The following MRAP2 variants were observed in gnomAD, a reference collection of about 807,000 sequenced individuals.
MRAP2 encodes melanocortin 2 receptor accessory protein 2, also known as melanocortin-2 receptor accessory protein 2.
MRAP2 carries 20 observed loss-of-function variants against 17.4 expected under a neutral mutation model. The ratio of observed to expected loss-of-function variants is 1.15; its 90% CI spans 0.81 to 1.67. MRAP2 has a LOEUF of 1.67. Ranked by LOEUF, MRAP2 falls within the 40% of genes most tolerant of loss-of-function variation. The probability of loss-of-function intolerance (pLI) is 0.00; values close to 1 mark genes in which losing one functional copy is unlikely to be tolerated. For missense variants in MRAP2, 238 were observed against 240.0 expected (o/e 0.99, Z 0.05); for synonymous variants, 96 against 88.4 (o/e 1.09, Z -0.48).
chr6:84,074,139 A>C (rs766052719), intron 3 of MRAP2, among the ~76,000 whole-genome samples: 2 of 152,110 alleles, frequency 1.3e-5, no homozygotes, highest in Non-Finnish European at 2.9e-5. Flanking sequence ...AAAGGAACCC[A>C]TTCCCCATGG....
chr6:84,091,793 C>A (rs1468300550), downstream of MRAP2, among the ~76,000 whole-genome samples: 1 of 152,176 alleles, frequency 6.6e-6, no homozygotes, highest in Non-Finnish European at 1.5e-5. Flanking sequence ...CTCATGGATG[C>A]TGCCAGAAGA....
chr6:84,064,514 G>A (rs1459727762), intron 3 of MRAP2, among the ~76,000 whole-genome samples: 6 of 152,104 alleles, frequency 3.9e-5, no homozygotes, highest in African/African-American at 1.4e-4. Context: ...TTGAGACGGA[G>A]TCTTGCTCTG....
At chr6:84,108,879 A>G in the MRAP2 span, among the ~76,000 whole-genome samples, 5 of 152,090 alleles carry the variant, frequency 3.3e-5, no homozygotes, top group East Asian at 3.9e-4. Context: ...TTCAGTTTCA[A>G]TTTTGTGCAT....
intron 1 of MRAP2, among the ~76,000 whole-genome samples, chr6:84,042,707 C>A (rs2099487928): frequency 6.6e-6 from 1 of 152,166 alleles, no homozygotes; most frequent in South Asian, 2.1e-4. Flanking sequence ...CCTTGCACCC[C>A]AAACTCTGGT....
At chr6:84,062,004 A>T (rs1323788148) in intron 2 of MRAP2, 1 of 985,250 alleles carries the variant, frequency 1.0e-6, no homozygotes. Flanking sequence ...GAGAGCACTC[A>T]AGAGGCCATC....
At chr6:84,102,920 G>A in the MRAP2 span, among the ~76,000 whole-genome samples, 1 of 152,192 alleles carries the variant, frequency 6.6e-6, no homozygotes, top group Non-Finnish European at 1.5e-5. Context: ...TTGGAGTAGA[G>A]GAATCAGTTA....
At chr6:84,037,223 G>A (rs950476175) in intron 1 of MRAP2, among the ~76,000 whole-genome samples, 18 of 151,870 alleles carry the variant, frequency 1.2e-4, no homozygotes, top group African/African-American at 4.4e-4. Context: ...GCTGACTGGT[G>A]TGTTTACAAT....
the MRAP2 span, among the ~76,000 whole-genome samples, chr6:84,134,472 G>A: frequency 1.2e-4 from 18 of 152,342 alleles, no homozygotes; most frequent in East Asian, 3.5e-3. Flanking sequence ...GGGCCCTGGT[G>A]GCGTAGGCAC....
chr6:84,145,620 A>G, the MRAP2 span, among the ~76,000 whole-genome samples: 2 of 152,056 alleles, frequency 1.3e-5, no homozygotes, highest in Admixed American at 1.3e-4. Context: ...ATCTCTGTCT[A>G]TAATTCTCCA....
At chr6:84,099,176 C>G in the MRAP2 span, among the ~76,000 whole-genome samples, 2 of 120,960 alleles carry the variant, frequency 1.7e-5, no homozygotes, top group African/African-American at 6.4e-5. Flanking sequence ...AAAAAAGATC[C>G]TTTTCTTTTT....
At chr6:84,076,875 G>T (rs557843356) in intron 3 of MRAP2, among the ~76,000 whole-genome samples, 1 of 152,282 alleles carries the variant, frequency 6.6e-6, no homozygotes, top group Non-Finnish European at 1.5e-5. Context: ...TACTTGTGTT[G>T]TCCCTCTGCA....
At chr6:84,052,293 C>T (rs1240724980) in intron 1 of MRAP2, among the ~76,000 whole-genome samples, 1 of 152,138 alleles carries the variant, frequency 6.6e-6, no homozygotes, top group East Asian at 1.9e-4. Flanking sequence ...GTCAGCACCC[C>T]AGGGAGTGAG....
intron 3 of MRAP2, among the ~76,000 whole-genome samples, chr6:84,069,184 C>T (rs879564878): frequency 2.0e-5 from 3 of 151,868 alleles, no homozygotes; most frequent in Non-Finnish European, 4.4e-5. Flanking sequence ...TTCCAGTTCT[C>T]GGAGGGAACT....
intron 1 of MRAP2, chr6:84,045,171 A>G (rs1158855429): frequency 1.0e-6 from 1 of 981,402 alleles, no homozygotes; most frequent in Non-Finnish European, 1.2e-6. Flanking sequence ...TCCTGGAACC[A>G]AGCCCCCACA....
At chr6:84,140,560 C>T in the MRAP2 span, among the ~76,000 whole-genome samples, 1 of 152,170 alleles carries the variant, frequency 6.6e-6, no homozygotes, top group Non-Finnish European at 1.5e-5. Flanking sequence ...CAGGGTCTTG[C>T]TCTGTCACCC....
chr6:84,126,571 C>A, the MRAP2 span: 1 of 1,232,074 alleles, frequency 8.1e-7, no homozygotes, highest in Admixed American at 3.0e-5. Flanking sequence ...AACAGGTAAT[C>A]TTGAAAATCA....
chr6:84,093,064 T>G (rs2497123), downstream of MRAP2, among the ~76,000 whole-genome samples: 55,076 of 152,112 alleles, frequency 0.36, 12,656 homozygotes, highest in African/African-American at 0.66. Flanking sequence ...CAATGTGTTT[T>G]TAGCTGAGTA....
rs905669388 is a variant in MRAP2 at position 84,090,434 on chromosome 6, A to G, written c.*953A>G. The G allele has an allele frequency of 6.6e-6, 1 of 152,212 alleles. No homozygotes were observed. Among genetic ancestry groups the G allele is most frequent in the Non-Finnish European group, 1.5e-5 (1 of 68,052 alleles). The allele number at this position is 152,212 out of a possible 1,614,324, so 9.4% of individuals were successfully genotyped here. On this transcript the variant is annotated 3_prime_UTR_variant, in exon 4 of 4. Coordinates refer to ENST00000257776, the MANE Select transcript of MRAP2 (RefSeq NM_138409.4). ...GGAGACAGCCATCCCCTGCCTCAGA[A>G]TAAGTACCAATTCGTAGTACATGTA...
the MRAP2 span, among the ~76,000 whole-genome samples, chr6:84,129,617 C>G: frequency 6.6e-6 from 1 of 152,062 alleles, no homozygotes; most frequent in Non-Finnish European, 1.5e-5. Context: ...CAAAAATTTT[C>G]TGCCATTCTG....
Sources: gnomAD v4.1 joint callset for allele counts (sites outside exome capture counted in the v4.1 genomes callset) on GRCh38, gnomAD v4.1.1 for gene constraint, MANE v1.5 for transcripts, NCBI Gene and HGNC (gene_info 2026-07-23, HGNC 2026-07-21) for gene names.